Variants in PDZRN4 observed in about 807,000 individuals in gnomAD.
PDZRN4 encodes the protein PDZ domain containing ring finger 4.
PDZRN4 carries 70 observed loss-of-function variants against 99.0 expected under a neutral mutation model. That is an observed-to-expected ratio of 0.71 (90% CI 0.58 to 0.86). The LOEUF (loss-of-function observed/expected upper bound fraction) is 0.86, where lower values mean the gene tolerates loss of function less well. Ranked by LOEUF, PDZRN4 falls within the 40% of genes least tolerant of loss-of-function variation. PDZRN4 has a pLI of 0.00. For synonymous variants in PDZRN4, 551 were observed against 501.6 expected, an observed-to-expected ratio of 1.10 and a Z score of -1.32; for missense variants, 1,474 against 1,331.2, an observed-to-expected ratio of 1.11 and a Z score of -1.67.
At chr12:41,212,901 G>C (rs1194824625) in intron 3 of PDZRN4, among the ~76,000 whole-genome samples, 4 of 152,098 alleles carry the variant, frequency 2.6e-5, no homozygotes, top group East Asian at 3.9e-4. Context: ...ATAGGAAAAG[G>C]CTTAGTGTAT....
chr12:41,469,748 G>T (rs536357595), intron 3 of PDZRN4, among the ~76,000 whole-genome samples: 2 of 152,002 alleles, frequency 1.3e-5, no homozygotes, highest in African/African-American at 2.4e-5. Context: ...TGGCTAACAC[G>T]GTGAAACCCC....
intron 3 of PDZRN4, among the ~76,000 whole-genome samples, chr12:41,244,610 G>T (rs990503561): frequency 6.6e-6 from 1 of 150,980 alleles, no homozygotes; most frequent in African/African-American, 2.4e-5. Flanking sequence ...TCCCGCCTCA[G>T]AGTGTTGCCC....
At chr12:41,386,036 C>A (rs565149726) in intron 3 of PDZRN4, among the ~76,000 whole-genome samples, 1 of 152,122 alleles carries the variant, frequency 6.6e-6, no homozygotes, top group Non-Finnish European at 1.5e-5. Flanking sequence ...AATGTGATTC[C>A]TCACATAAAC....
intron 3 of PDZRN4, among the ~76,000 whole-genome samples, chr12:41,249,183 G>T (rs1368509225): frequency 6.6e-6 from 1 of 152,132 alleles, no homozygotes; most frequent in African/African-American, 2.4e-5. Context: ...AAGACTCAAT[G>T]TCTAAACATG....
chr12:41,315,831 G>C (rs1951634883), intron 3 of PDZRN4, among the ~76,000 whole-genome samples: 2 of 152,026 alleles, frequency 1.3e-5, no homozygotes, highest in African/African-American at 2.4e-5. Flanking sequence ...TTTTAAATTG[G>C]AAAGGTAGAA....
At chr12:41,367,279 G>A (rs947455225) in intron 3 of PDZRN4, among the ~76,000 whole-genome samples, 5 of 152,084 alleles carry the variant, frequency 3.3e-5, no homozygotes, top group Non-Finnish European at 7.4e-5. Flanking sequence ...GGAGGCCGAG[G>A]TGGGTGGATC....
intron 7 of PDZRN4, among the ~76,000 whole-genome samples, chr12:41,559,094 C>T (rs1939220225): frequency 6.6e-6 from 1 of 152,088 alleles, no homozygotes; most frequent in South Asian, 2.1e-4. Flanking sequence ...TGGCCCTGCC[C>T]TCACTGTGTA....
intron 3 of PDZRN4, among the ~76,000 whole-genome samples, chr12:41,452,878 C>A (rs558819229): frequency 2.0e-5 from 3 of 152,108 alleles, no homozygotes; most frequent in African/African-American, 7.2e-5. Context: ...GTTAAGTGGC[C>A]CCAGAAACAG....
chr12:41,340,756 G>A (rs1196604461), intron 3 of PDZRN4, among the ~76,000 whole-genome samples: 2 of 151,578 alleles, frequency 1.3e-5, no homozygotes, highest in Non-Finnish European at 2.9e-5. Flanking sequence ...AAAGGCCCAC[G>A]ACCCATTGGC....
intron 3 of PDZRN4, among the ~76,000 whole-genome samples, chr12:41,413,301 TGGGA>T (rs563494835): frequency 2.2e-4 from 33 of 152,162 alleles, no homozygotes; most frequent in Non-Finnish European, 4.4e-4. Context: ...CACTCATATG[TGGGA>T]GCTAAAAGAA....
At chr12:41,475,257 T>C (rs1014340223) in intron 3 of PDZRN4, among the ~76,000 whole-genome samples, 5 of 152,158 alleles carry the variant, frequency 3.3e-5, no homozygotes, top group Non-Finnish European at 7.4e-5. Context: ...ATAAGGAAAA[T>C]TGTAGAAAAA....
intron 3 of PDZRN4, chr12:41,409,876 G>A (rs142779514): frequency 3.5e-4 from 54 of 152,270 alleles, no homozygotes; most frequent in African/African-American, 1.2e-3. Context: ...GGAGCAGCAT[G>A]ACTACAGATT....
chr12:41,501,838 A>G (rs1332382407), intron 3 of PDZRN4, among the ~76,000 whole-genome samples: 1 of 152,134 alleles, frequency 6.6e-6, no homozygotes, highest in African/African-American at 2.4e-5. Flanking sequence ...TGAGGCGAAG[A>G]CCTTCTCAGA....
Position 41,239,839 on chromosome 12 carries a change from T to C in PDZRN4, c.843+45651T>C, listed in dbSNP as rs532007538. 3.9e-5 allele frequency among the ~76,000 whole-genome samples: 6 copies of C among 152,348 alleles called. No homozygotes were observed. In the East Asian group the frequency reaches 1.2e-3, roughly 29 times the overall value. On this transcript the variant is annotated intron_variant, in intron 3 of 9. Transcript: ENST00000402685. ...GGATTTTGAAGAATATAAAAGCACA[T>C]ATTTAAAAAGGCAAATGTTAAAAAT...
At chr12:41,383,178 G>A (rs1425150111) in intron 3 of PDZRN4, among the ~76,000 whole-genome samples, 1 of 152,142 alleles carries the variant, frequency 6.6e-6, no homozygotes, top group African/African-American at 2.4e-5. Flanking sequence ...GCTCTTTAGA[G>A]CACTGAATGA....
At chr12:41,488,298 C>T (rs534664533) in intron 3 of PDZRN4, among the ~76,000 whole-genome samples, 14 of 152,102 alleles carry the variant, frequency 9.2e-5, no homozygotes, top group Admixed American at 7.9e-4. Flanking sequence ...ACAGTGTTTA[C>T]GTTATTATTT....
intron 3 of PDZRN4, among the ~76,000 whole-genome samples, chr12:41,476,432 C>T (rs1953043415): frequency 6.6e-6 from 1 of 152,090 alleles, no homozygotes; most frequent in Admixed American, 6.6e-5. Context: ...TGTTTAAATG[C>T]CATTCTTTAC....
chr12:41,484,241 A>G (rs1417328424), intron 3 of PDZRN4, among the ~76,000 whole-genome samples: 3 of 152,236 alleles, frequency 2.0e-5, no homozygotes, highest in African/African-American at 7.2e-5. Flanking sequence ...TCAAATAATC[A>G]TAAGAGATCA....
At chr12:41,311,365 A>G (rs982724543) in intron 3 of PDZRN4, among the ~76,000 whole-genome samples, 5 of 152,078 alleles carry the variant, frequency 3.3e-5, no homozygotes, top group African/African-American at 1.2e-4. Flanking sequence ...TACACAATAT[A>G]GGAGTTCAGA....
Sources: gnomAD v4.1 joint callset for allele counts (sites outside exome capture counted in the v4.1 genomes callset) on GRCh38, gnomAD v4.1.1 for gene constraint, MANE v1.5 for transcripts, NCBI Gene and HGNC (gene_info 2026-07-23, HGNC 2026-07-21) for gene names.